Variants in SKOR2 observed in about 807,000 individuals in gnomAD.
The protein encoded by SKOR2 is SKI family transcriptional corepressor 2.
In SKOR2, 47 loss-of-function variants were observed where a neutral mutation model predicts 69.1. The ratio of observed to expected loss-of-function variants is 0.68; its 90% CI spans 0.54 to 0.87. The LOEUF (loss-of-function observed/expected upper bound fraction) is 0.87, where lower values mean the gene tolerates loss of function less well. Ranked by LOEUF, SKOR2 falls within the 40% of genes least tolerant of loss-of-function variation. The pLI, the probability that SKOR2 is intolerant of heterozygous loss-of-function variation, is 0.00. For missense variants in SKOR2, 1,404 were observed against 1,472.2 expected, an observed-to-expected ratio of 0.95 and a Z score of 0.76; for synonymous variants, 717 against 672.6, an observed-to-expected ratio of 1.07 and a Z score of -1.02.
chr18:47,247,987 C>T lies in SKOR2; in HGVS notation c.1197G>A (p.Pro399=), dbSNP rs1249643591. 2.1e-6 allele frequency: 3 copies of T among 1,401,956 alleles called. No individual in the cohort carries two copies. Among genetic ancestry groups the T allele is most frequent in the Non-Finnish European group, 2.8e-6 (3 of 1,081,818 alleles). 86.8% of individuals were successfully genotyped at this position (1,401,956 alleles called of 1,614,324 possible). A position where few individuals can be genotyped will look rare whatever the true frequency, so the allele number is the denominator to read the frequency against. The change falls in exon 2 of 9, where the codon CCG becomes CCA. Residue 399 remains proline (P), a synonymous_variant. Coordinates refer to ENST00000425639, the MANE Select transcript of SKOR2 (RefSeq NM_001278063.4). This position sits in a 1 kb window ranked among gnomAD's most constrained non-coding sequence, Gnocchi z 6.6. ...GSFGGVLQKF[P]GCGGLFPHPY... ...GGTGCGGGAAGAGCCCGCCGCAGCC[C>T]GGGAACTTCTGCAGGACGCCCCCGA...
chr18:47,230,731 A>G (rs2064194520), intron 5 of SKOR2, among the ~76,000 whole-genome samples, 174 bp from the exon 6 acceptor site: 2 of 152,226 alleles, frequency 1.3e-5, no homozygotes, highest in Admixed American at 1.3e-4. Flanking sequence ...AATGTAATAT[A>G]TTATTTTAAA....
intron 6 of SKOR2, among the ~76,000 whole-genome samples, chr18:47,225,497 T>C (rs1056154195): frequency 6.6e-6 from 1 of 152,220 alleles, no homozygotes. Context: ...ACCCACAATA[T>C]GCCAGGTGCT....
At chr18:47,224,330 C>T (rs751883778) in intron 6 of SKOR2, among the ~76,000 whole-genome samples, 15 of 152,116 alleles carry the variant, frequency 9.9e-5, no homozygotes, top group Admixed American at 3.9e-4. Context: ...AATGATAATA[C>T]GAAAGGAAGT....
At position 47,245,478 on chromosome 18, in the gene SKOR2, A is replaced by ATTTTGTTTTTTTTTT. The variant is rs2064267980; in HGVS notation, c.2677+19_2677+20insAAAAAAAAAACAAAA. The ATTTTGTTTTTTTTTT allele has an allele frequency of 1.3e-6, 1 of 785,128 alleles. No homozygotes were observed. The highest frequency in any genetic ancestry group is 4.6e-5 in the Admixed American group (1 of 21,964). The allele number at this position is 785,128 out of a possible 1,614,324, so 48.6% of individuals were successfully genotyped here. A position where few individuals can be genotyped will look rare whatever the true frequency, so the allele number is the denominator to read the frequency against. ...ATGCAGGCAAGAAAAGTGGCAGCTG[A>ATTTTGTTTTTTTTTT]TTTTTTTTTTTTTTTTTACCTGAAA... On this transcript the variant is annotated intron_variant, in intron 3 of 8. Transcript: ENST00000425639.
At chr18:47,243,952 C>A (rs182937863) in intron 4 of SKOR2, among the ~76,000 whole-genome samples, 1 of 152,244 alleles carries the variant, frequency 6.6e-6, no homozygotes, top group Admixed American at 6.5e-5. Context: ...ATACCATATT[C>A]ATGAAATAAT....
chr18:47,224,215 T>A (rs1035247419), intron 6 of SKOR2, among the ~76,000 whole-genome samples: 3 of 152,302 alleles, frequency 2.0e-5, no homozygotes, highest in South Asian at 4.1e-4. Flanking sequence ...CCATATTTTT[T>A]CTATGTTCTA....
intron 6 of SKOR2, among the ~76,000 whole-genome samples, chr18:47,228,174 C>CAA (rs2064185340): frequency 6.6e-6 from 1 of 152,248 alleles, no homozygotes; most frequent in African/African-American, 2.4e-5. Context: ...TTGCTATTTT[C>CAA]ATCCGTGTGA....
At chr18:47,227,147 ATCTTCCTCCT>A (rs1009004513) in intron 6 of SKOR2, among the ~76,000 whole-genome samples, 32 of 151,042 alleles carry the variant, frequency 2.1e-4, no homozygotes, top group Non-Finnish European at 3.7e-4. Context: ...CTTCTCCTCC[ATCTTCCTCCT>A]TCTTCCTCCT....
intron 6 of SKOR2, 131 bp from the exon 7 acceptor site, chr18:47,220,141 T>A (rs1753022311): frequency 4.6e-6 from 3 of 655,428 alleles, no homozygotes; most frequent in Middle Eastern, 3.5e-4. Flanking sequence ...ATAGGCAAAT[T>A]ATATGCTTGT....
chr18:47,217,933 C>T (rs1221678091), intron 7 of SKOR2, among the ~76,000 whole-genome samples: 1 of 152,012 alleles, frequency 6.6e-6, no homozygotes, highest in Non-Finnish European at 1.5e-5. Flanking sequence ...TGTGAATTAA[C>T]AACATTTGTC....
intron 6 of SKOR2, among the ~76,000 whole-genome samples, chr18:47,222,528 G>A (rs895586511): frequency 1.3e-5 from 2 of 152,126 alleles, no homozygotes; most frequent in African/African-American, 2.4e-5. Flanking sequence ...AGGGCAACAG[G>A]GGAACCAGCC....
intron 7 of SKOR2, among the ~76,000 whole-genome samples, chr18:47,214,569 A>G (rs1232912302): frequency 1.3e-5 from 2 of 152,226 alleles, no homozygotes; most frequent in East Asian, 3.8e-4. Context: ...AGATTATAGT[A>G]GCATGGCCAG....
chr18:47,209,954 G>C (rs900639368), intron 8 of SKOR2, among the ~76,000 whole-genome samples: 2 of 152,160 alleles, frequency 1.3e-5, no homozygotes, highest in African/African-American at 4.8e-5. Context: ...TGCTGGGCAT[G>C]GTGGCGTGCA....
chr18:47,249,309 A>G, intron 1 of SKOR2, 79 bp from the exon 2 acceptor site: 1 of 1,250,396 alleles, frequency 8.0e-7, no homozygotes, highest in Admixed American at 2.9e-5. Flanking sequence ...CTAACCAAAG[A>G]ATTAGAATAA....
intron 6 of SKOR2, 76 bp from the exon 7 acceptor site, chr18:47,220,086 T>C (rs2064156642): frequency 1.5e-6 from 2 of 1,306,816 alleles, no homozygotes; most frequent in Admixed American, 2.2e-5. Flanking sequence ...AAAAACATTA[T>C]TGACAGTCCC....
chr18:47,214,958 C>T (rs538511680), intron 7 of SKOR2, among the ~76,000 whole-genome samples: 30 of 150,922 alleles, frequency 2.0e-4, no homozygotes, highest in African/African-American at 7.1e-4. Context: ...TTCTAAATTA[C>T]CTACTTGGTT....
chr18:47,225,856 T>C (rs756492518), intron 6 of SKOR2, among the ~76,000 whole-genome samples: 2 of 151,226 alleles, frequency 1.3e-5, no homozygotes, highest in Non-Finnish European at 3.0e-5. Flanking sequence ...GAAATAAGGG[T>C]GGAGAGGTTG....
intron 4 of SKOR2, among the ~76,000 whole-genome samples, chr18:47,235,169 T>C (rs2064216821): frequency 6.6e-6 from 1 of 152,098 alleles, no homozygotes; most frequent in African/African-American, 2.4e-5. Flanking sequence ...GATACCAGAC[T>C]GCGCAACATG....
chr18:47,212,230 C>T, intron 7 of SKOR2, 79 bp from the exon 8 acceptor site: 4 of 1,188,240 alleles, frequency 3.4e-6, no homozygotes, highest in Non-Finnish European at 4.2e-6. Flanking sequence ...CTTCATCATG[C>T]CTAACAATTT....
Sources: gnomAD v4.1 joint callset for allele counts (sites outside exome capture counted in the v4.1 genomes callset) on GRCh38, gnomAD v4.1.1 for gene constraint, Gnocchi (gnomAD v3.1) non-coding constraint, MANE v1.5 for transcripts, NCBI Gene and HGNC (gene_info 2026-07-23, HGNC 2026-07-21) for gene names.